The following KCNH7 variants were observed in gnomAD, a reference collection of about 807,000 sequenced individuals.
KCNH7 encodes the protein voltage-gated inwardly rectifying potassium channel KCNH7.
In KCNH7, 49 loss-of-function variants were observed where a neutral mutation model predicts 120.8. The observed-to-expected ratio is 0.41, with a 90% CI of 0.32 to 0.51. The LOEUF (loss-of-function observed/expected upper bound fraction) is 0.51, where lower values mean the gene tolerates loss of function less well. Ranked by LOEUF, KCNH7 falls within the 20% of genes least tolerant of loss-of-function variation. The pLI is 0.38. For missense variants in KCNH7, 1,097 were observed against 1,446.6 expected (o/e 0.76, Z 3.92); for synonymous variants, 547 against 516.1 (o/e 1.06, Z -0.81).
At chr2:162,757,766 T>C (rs966174275) in intron 2 of KCNH7, among the ~76,000 whole-genome samples, 2 of 152,200 alleles carry the variant, frequency 1.3e-5, no homozygotes, top group Non-Finnish European at 1.5e-5. Flanking sequence ...GCATGCTTAT[T>C]GAGTGCAAGT....
chr2:162,780,699 G>T (rs999397583), intron 2 of KCNH7, among the ~76,000 whole-genome samples: 1 of 152,128 alleles, frequency 6.6e-6, no homozygotes, highest in Non-Finnish European at 1.5e-5. Flanking sequence ...TGTAAAGTTA[G>T]TTACGTGTAA....
intron 6 of KCNH7, among the ~76,000 whole-genome samples, chr2:162,483,538 G>GT (rs11399272): frequency 0.023 from 3,303 of 144,468 alleles, 220 homozygotes; most frequent in Admixed American, 0.15. Context: ...TGTATTCTTT[G>GT]TTTTTTTTTT....
chr2:162,765,808 G>A (rs1482006284), intron 2 of KCNH7, among the ~76,000 whole-genome samples: 2 of 152,040 alleles, frequency 1.3e-5, no homozygotes, highest in Admixed American at 6.6e-5. Flanking sequence ...CCGGGCTGCT[G>A]CAGTGCAGTG....
chr2:162,457,462 C>T (rs1044591045), intron 6 of KCNH7, among the ~76,000 whole-genome samples: 3 of 152,096 alleles, frequency 2.0e-5, no homozygotes, highest in Non-Finnish European at 4.4e-5. Context: ...TTACCAAATA[C>T]AATTTTTCTT....
intron 5 of KCNH7, among the ~76,000 whole-genome samples, chr2:162,506,714 C>A (rs58673128): frequency 0.087 from 13,160 of 151,700 alleles, 643 homozygotes; most frequent in East Asian, 0.2. Flanking sequence ...ATGTCATCAC[C>A]GATTCTACAA....
intron 9 of KCNH7, among the ~76,000 whole-genome samples, chr2:162,409,827 T>C (rs889143082): frequency 6.6e-6 from 1 of 151,984 alleles, no homozygotes; most frequent in Non-Finnish European, 1.5e-5. Flanking sequence ...CAATCTCATT[T>C]GCAATAGCCA....
At chr2:162,680,723 G>A (rs1426435233) in intron 2 of KCNH7, among the ~76,000 whole-genome samples, 1 of 151,718 alleles carries the variant, frequency 6.6e-6, no homozygotes. Flanking sequence ...TATTGGCTGT[G>A]CGGGTGTCAG....
At chr2:162,681,716 TG>T (rs1685716128) in intron 2 of KCNH7, among the ~76,000 whole-genome samples, 1 of 151,740 alleles carries the variant, frequency 6.6e-6, no homozygotes. Context: ...AATTAAATGT[TG>T]GCTACAAGCA....
intron 2 of KCNH7, among the ~76,000 whole-genome samples, chr2:162,709,462 G>T (rs898863392): frequency 5.9e-5 from 9 of 151,990 alleles, no homozygotes; most frequent in African/African-American, 2.4e-5. Flanking sequence ...AATAAGATGG[G>T]TGATCATCTA....
At position 162,601,237 on chromosome 2, in the gene KCNH7, G is replaced by C. The variant is rs118060133; in HGVS notation, c.308-64157C>G. On this transcript the variant is annotated intron_variant, in intron 2 of 15. Coordinates refer to ENST00000332142, the MANE Select transcript of KCNH7 (RefSeq NM_033272.4). The stretch of plus-strand genomic sequence containing the variant: ...TGGTCAGTGGTTTATAGATAACAGG[G>C]GCAAATACTATCAGCAGACTGAAAG... Among the ~76,000 whole-genome samples the C allele has an allele frequency of 4.3e-3, 658 of 151,746 alleles. 36 individuals carry two copies. The East Asian group carries it at 0.12, about 27-fold the overall frequency.
At chr2:162,505,501 A>G (rs1172478918) in intron 5 of KCNH7, among the ~76,000 whole-genome samples, 1 of 151,932 alleles carries the variant, frequency 6.6e-6, no homozygotes, top group East Asian at 1.9e-4. Context: ...TACAAAGATA[A>G]CTTGGCAAGG....
At chr2:162,624,729 C>A (rs1018293667) in intron 2 of KCNH7, among the ~76,000 whole-genome samples, 1 of 151,962 alleles carries the variant, frequency 6.6e-6, no homozygotes, top group African/African-American at 2.4e-5. Flanking sequence ...TTTAGTAACT[C>A]CTTACATGAT....
intron 2 of KCNH7, among the ~76,000 whole-genome samples, chr2:162,781,027 T>C (rs1683461206): frequency 6.6e-6 from 1 of 152,122 alleles, no homozygotes; most frequent in Non-Finnish European, 1.5e-5. Flanking sequence ...ATCTATATTG[T>C]ATAGAATCAG....
intron 5 of KCNH7, among the ~76,000 whole-genome samples, chr2:162,507,883 C>G (rs1390795346): frequency 6.6e-6 from 1 of 151,546 alleles, no homozygotes; most frequent in African/African-American, 2.4e-5. Flanking sequence ...ATGCTGCCCA[C>G]TTATACTCCT....
At chr2:162,589,639 A>G (rs1308475194) in intron 2 of KCNH7, among the ~76,000 whole-genome samples, 3 of 152,094 alleles carry the variant, frequency 2.0e-5, no homozygotes, top group Admixed American at 1.3e-4. Context: ...CTCCCCCAGC[A>G]GAGCAGCTTC....
intron 2 of KCNH7, among the ~76,000 whole-genome samples, chr2:162,597,226 G>A (rs1231611395): frequency 6.6e-6 from 1 of 151,940 alleles, no homozygotes; most frequent in African/African-American, 2.4e-5. Flanking sequence ...TCGATATACC[G>A]TAGAGATATC....
intron 2 of KCNH7, among the ~76,000 whole-genome samples, chr2:162,810,818 C>T (rs1347489105): frequency 6.6e-6 from 1 of 151,988 alleles, no homozygotes; most frequent in Admixed American, 6.6e-5. Context: ...GCAATATGTG[C>T]CTCTAAAACT....
chr2:162,403,293 T>TA (rs1482988645), intron 9 of KCNH7, among the ~76,000 whole-genome samples: 1 of 151,960 alleles, frequency 6.6e-6, no homozygotes, highest in Non-Finnish European at 1.5e-5. Context: ...CAGCAGAGTT[T>TA]AAATGTTTTG....
chr2:162,401,644 A>G (rs1036344374), intron 9 of KCNH7, among the ~76,000 whole-genome samples: 88 of 152,078 alleles, frequency 5.8e-4, no homozygotes, highest in African/African-American at 2.0e-3. Flanking sequence ...GTATAGGATC[A>G]CTGTGTAATG....
Sources: gnomAD v4.1 joint callset for allele counts (sites outside exome capture counted in the v4.1 genomes callset) on GRCh38, gnomAD v4.1.1 for gene constraint, MANE v1.5 for transcripts, NCBI Gene and HGNC (gene_info 2026-07-23, HGNC 2026-07-21) for gene names.